Variants in ZNF385A observed in about 807,000 individuals in gnomAD.
ZNF385A encodes the protein hematopoietic zinc finger protein.
In ZNF385A, 14 loss-of-function variants were observed where a neutral mutation model predicts 32.1. The ratio of observed to expected loss-of-function variants is 0.44; its 90% CI spans 0.29 to 0.68. The LOEUF (loss-of-function observed/expected upper bound fraction) is 0.68. Among genes scored for constraint, ZNF385A ranks in the 30% least tolerant of loss-of-function variants. The pLI is 0.14. For missense variants in ZNF385A, 406 were observed against 478.4 expected (o/e 0.85, Z 1.41); for synonymous variants, 197 against 202.7 (o/e 0.97, Z 0.24).
upstream of ZNF385A, among the ~76,000 whole-genome samples, chr12:54,387,737 T>A (rs914054267): frequency 9.2e-5 from 14 of 152,212 alleles, no homozygotes; most frequent in Non-Finnish European, 1.8e-4. Flanking sequence ...GAGAACTCAA[T>A]AAATATTTGC....
chr12:54,383,334 C>A (rs1166124907), intron 1 of ZNF385A, among the ~76,000 whole-genome samples: 1 of 152,108 alleles, frequency 6.6e-6, no homozygotes, highest in East Asian at 1.9e-4. Flanking sequence ...TTGACTCATG[C>A]CTTCTCTTCT....
At chr12:54,381,195 CA>C (rs57427387) in intron 1 of ZNF385A, 2,831 of 55,880 alleles carry the variant, frequency 0.051, 43 homozygotes, top group East Asian at 0.2. Context: ...GACTCTGTCT[CA>C]AAAAAAAAAA....
intron 1 of ZNF385A, chr12:54,379,224 G>T (rs1337392021): frequency 5.1e-6 from 5 of 982,574 alleles, no homozygotes; most frequent in Non-Finnish European, 4.8e-6. Context: ...GGGAGGCGGC[G>T]CTGGCCCGGG....
chr12:54,385,256 C>T (rs1366933551), upstream of ZNF385A: 1 of 152,282 alleles, frequency 6.6e-6, no homozygotes, highest in Non-Finnish European at 1.5e-5. Flanking sequence ...AGCTACAGGT[C>T]CAGTTCTGCA....
chr12:54,375,154 T>G (rs2137202196), intron 2 of ZNF385A, among the ~76,000 whole-genome samples: 1 of 152,200 alleles, frequency 6.6e-6, no homozygotes, highest in Middle Eastern at 3.4e-3. Flanking sequence ...GAGGCTCTGC[T>G]GTTTTTCTCC....
chr12:54,375,917 A>G lies in ZNF385A; in HGVS notation c.125T>C (p.Phe42Ser), dbSNP rs1460069451. 2 of 1,614,088 alleles carry G rather than the reference A, an allele frequency of 1.2e-6. No homozygotes were observed. Among genetic ancestry groups the G allele is most frequent in the Admixed American group, 1.7e-5 (1 of 60,014 alleles). Reference sequence around the variant, plus strand: ...CTTGGTCTTGAGCAAGGGTCCCCCAAAAGTGTGGGAGAGCACAGCCTTCTG... The same window carrying G: ...CTTGGTCTTGAGCAAGGGTCCCCCAGAAGTGTGGGAGAGCACAGCCTTCTG... ...PVQKAVLSHT[F>S]GGPLLKTKRP... Residue 42 changes from phenylalanine (F) to serine (S), a missense_variant, in exon 2 of 7, where the codon TTT (phenylalanine) becomes TCT (serine). Coordinates refer to ENST00000394313, the MANE Select transcript of ZNF385A (RefSeq NM_015481.3).
At chr12:54,371,165 T>G in intron 4 of ZNF385A, 69 bp from the exon 5 acceptor site, 4 of 1,501,768 alleles carry the variant, frequency 2.7e-6, no homozygotes, top group Non-Finnish European at 2.7e-6. Context: ...GGCCTCAGAA[T>G]GCACATTCCC....
intron 1 of ZNF385A, among the ~76,000 whole-genome samples, chr12:54,378,143 G>A (rs1954939937): frequency 6.6e-6 from 1 of 152,208 alleles, no homozygotes; most frequent in Non-Finnish European, 1.5e-5. Flanking sequence ...AGTGGAGTCA[G>A]GTGGGTGCTT....
At chr12:54,386,284 G>A (rs1955478471), upstream of ZNF385A, among the ~76,000 whole-genome samples, 1 of 151,918 alleles carries the variant, frequency 6.6e-6, no homozygotes, top group Non-Finnish European at 1.5e-5. Flanking sequence ...TGAGGAATCG[G>A]ACAGTGACAC....
intron 1 of ZNF385A, among the ~76,000 whole-genome samples, chr12:54,380,326 A>G (rs533691457): frequency 2.0e-5 from 3 of 152,342 alleles, no homozygotes; most frequent in African/African-American, 7.2e-5. Flanking sequence ...TGAAGTAAGT[A>G]CTATTATTAT....
rs1954442370 is a variant in ZNF385A at position 54,370,157 on chromosome 12, T to G, written c.*99A>C. ...CGGGGTGGGGGGGGGGAAGGAGAGA[T>G]CATTTAGGGAGTGCCGGGAGGAGGG... is the stretch of plus-strand genomic sequence containing the variant. On this transcript the variant is annotated 3_prime_UTR_variant, in exon 7 of 7. Transcript: ENST00000394313. This position sits in a 1 kb window ranked among gnomAD's most constrained non-coding sequence, Gnocchi z 5.5. The G allele has an allele frequency of 1.9e-5, 15 of 802,822 alleles. No homozygotes were observed. The highest frequency in any genetic ancestry group is 3.2e-5 in the South Asian group (1 of 31,332). The allele number at this position is 802,822 out of a possible 1,614,324, so 49.7% of individuals were successfully genotyped here. A position where few individuals can be genotyped will look rare whatever the true frequency, so the allele number is the denominator to read the frequency against.
At chr12:54,384,906 C>G, upstream of ZNF385A, 17 of 1,052,774 alleles carry the variant, frequency 1.6e-5, no homozygotes, top group Non-Finnish European at 1.9e-5. Context: ...CAGCCTCAAG[C>G]CCCTGGCCAC....
rs1290298756 is a variant in ZNF385A at position 54,370,735 on chromosome 12, T to C, written c.775-14A>G. 7.0e-6 allele frequency: 11 copies of C among 1,580,338 alleles called. No individual in the cohort carries two copies. Among genetic ancestry groups the C allele is most frequent in the Non-Finnish European group, 9.4e-6 (11 of 1,166,622 alleles). On this transcript the variant is annotated splice_polypyrimidine_tract_variant and intron_variant, in intron 5 of 6. Transcript: ENST00000394313. The surrounding 1 kb of genome is among the most constrained non-coding windows in gnomAD (Gnocchi z 5.5). ...GCTGGAGATGTGCTGCGGGGGCCAGTGGATAGGGGGCTGTGAGCTCCCGGA... is the reference window on the plus strand; with the variant it reads ...GCTGGAGATGTGCTGCGGGGGCCAGCGGATAGGGGGCTGTGAGCTCCCGGA...
intron 2 of ZNF385A, among the ~76,000 whole-genome samples, chr12:54,374,696 A>G (rs1368757215): frequency 6.6e-6 from 1 of 152,156 alleles, no homozygotes; most frequent in Non-Finnish European, 1.5e-5. Context: ...TGGGGACAGA[A>G]AACAGCAGTG....
chr12:54,384,553 G>T lies in ZNF385A; in HGVS notation c.-39C>A, dbSNP rs1169615617. On this transcript the variant is annotated 5_prime_UTR_variant, in exon 1 of 7. Coordinates refer to ENST00000394313, the MANE Select transcript of ZNF385A (RefSeq NM_015481.3). ...CGTAGCAGAGGCAGGGGCCCTGCCC[G>T]GCTCAGGCTGCCTGAAGGGCAGAGA... is the stretch of plus-strand genomic sequence containing the variant. 2.0e-6 allele frequency: 3 copies of T among 1,477,590 alleles called. No individual in the cohort carries two copies. The highest frequency in any genetic ancestry group is 5.5e-5 in the Admixed American group (2 of 36,334). The allele number at this position is 1,477,590 out of a possible 1,614,324, so 91.5% of individuals were successfully genotyped here.
chr12:54,369,965 T>G lies in ZNF385A; in HGVS notation c.*291A>C. On this transcript the variant is annotated 3_prime_UTR_variant, in exon 7 of 7. Coordinates refer to ENST00000394313, the MANE Select transcript of ZNF385A (RefSeq NM_015481.3). ...GGGGGAAGGGCTGGATGGACATGGC[T>G]TTTGGGAGGGGGGGTGTCTCCAAGG... 6 of 316,806 alleles carry G rather than the reference T, an allele frequency of 1.9e-5. No individual in the cohort carries two copies. The highest frequency in any genetic ancestry group is 4.9e-5 in the East Asian group (1 of 20,228). 19.6% of individuals were successfully genotyped at this position (316,806 alleles called of 1,614,324 possible).
At chr12:54,371,245 C>A (rs1217723267) in intron 4 of ZNF385A, 149 bp from the exon 5 acceptor site, 2 of 1,111,574 alleles carry the variant, frequency 1.8e-6, no homozygotes, top group Non-Finnish European at 2.5e-6. Context: ...TTGGGACCCT[C>A]CCAAAGAGGT....
Position 54,372,866 on chromosome 12 carries a change from C to T in ZNF385A, c.361+1107G>A, listed in dbSNP as rs1472865665. The T allele has an allele frequency of 1.4e-5, 3 of 209,800 alleles. No individual in the cohort carries two copies. The East Asian group carries it at 5.3e-4, about 37-fold the overall frequency. 13.0% of individuals were successfully genotyped at this position (209,800 alleles called of 1,614,324 possible). On this transcript the variant is annotated intron_variant, in intron 3 of 6. Transcript: ENST00000394313. ...CCAGCTTGGGCAACATGGTGAAACC[C>T]TTTCTATACTAAAAATACAAAAATT...
Position 54,375,910 on chromosome 12 carries a change from T to A in ZNF385A, c.132A>T (p.Gly44=). Residue 44 remains glycine, a synonymous_variant, in exon 2 of 7, where the codon GGA becomes GGT. Transcript: ENST00000394313. ...QKAVLSHTFG[G]PLLKTKRPVI... is the part of the protein sequence containing the mutation. ...CGGGCCGCTTGGTCTTGAGCAAGGG[T>A]CCCCCAAAAGTGTGGGAGAGCACAG... 1 of 1,613,776 alleles carries A rather than the reference T, an allele frequency of 6.2e-7. No individual in the cohort carries two copies. Among genetic ancestry groups the A allele is most frequent in the Non-Finnish European group, 8.5e-7 (1 of 1,179,968 alleles).
Sources: gnomAD v4.1 joint callset for allele counts (sites outside exome capture counted in the v4.1 genomes callset) on GRCh38, gnomAD v4.1.1 for gene constraint, Gnocchi (gnomAD v3.1) non-coding constraint, MANE v1.5 for transcripts, NCBI Gene and HGNC (gene_info 2026-07-23, HGNC 2026-07-21) for gene names.